The following PPP6R2 variants were observed in gnomAD, a reference collection of about 807,000 sequenced individuals.
PPP6R2 encodes the protein protein phosphatase 6 regulatory subunit 2.
PPP6R2 carries 62 observed loss-of-function variants against 100.2 expected under a neutral mutation model. The ratio of observed to expected loss-of-function variants is 0.62; its 90% confidence interval spans 0.50 to 0.76. PPP6R2 has a LOEUF of 0.76. PPP6R2 is among the 30% of genes least tolerant of loss of function. The pLI is 0.00. For missense variants in PPP6R2, 1,142 were observed against 1,276.3 expected (o/e 0.89, Z 1.60); for synonymous variants, 525 against 514.7 (o/e 1.02, Z -0.27).
chr22:50,371,990 T>TG (rs948850266), intron 1 of PPP6R2, 30 bp from the exon 2 acceptor site: 7 of 152,168 alleles, frequency 4.6e-5, no homozygotes, highest in African/African-American at 1.7e-4. Context: ...AGGAAGAACT[T>TG]AAAGCAAGAT....
At chr22:50,399,850 G>A (rs2057735702) in intron 3 of PPP6R2, among the ~76,000 whole-genome samples, 1 of 152,212 alleles carries the variant, frequency 6.6e-6, no homozygotes. Flanking sequence ...ACAGCAGAGG[G>A]CGCCACCCCA....
intron 1 of PPP6R2, among the ~76,000 whole-genome samples, chr22:50,354,026 C>T (rs557287864): frequency 6.6e-6 from 1 of 152,102 alleles, no homozygotes; most frequent in Non-Finnish European, 1.5e-5. Context: ...ACTGGGAGGC[C>T]GGGCGCGGTG....
chr22:50,407,882 G>A lies in PPP6R2; in HGVS notation c.414+1007G>A, dbSNP rs137877750. ...ATTTCTCATGTAAATATTTCAGTAT[G>A]TATGTACATTTATTTATTTTTGAGA... On this transcript the variant is annotated intron_variant, in intron 4 of 23. Coordinates refer to ENST00000612753, the MANE Select transcript of PPP6R2 (RefSeq NM_001242898.2). 3.1e-3 allele frequency among the ~76,000 whole-genome samples: 462 copies of A among 149,528 alleles called. 1 individual carries two copies. The highest frequency in any genetic ancestry group is 0.011 in the African/African-American group (441 of 40,944).
At chr22:50,347,266 C>T (rs1230174294) in intron 1 of PPP6R2, among the ~76,000 whole-genome samples, 4 of 152,072 alleles carry the variant, frequency 2.6e-5, no homozygotes, top group Non-Finnish European at 4.4e-5. Context: ...CCCCACCTGT[C>T]AGTGTCTCCC....
intron 1 of PPP6R2, among the ~76,000 whole-genome samples, chr22:50,348,176 T>G (rs1219755733): frequency 6.6e-6 from 1 of 152,142 alleles, no homozygotes; most frequent in East Asian, 1.9e-4. Flanking sequence ...GTTTTCTCAT[T>G]AAGCCGTTCC....
At chr22:50,336,984 T>C in the PPP6R2 span, among the ~76,000 whole-genome samples, 1 of 152,118 alleles carries the variant, frequency 6.6e-6, no homozygotes. Flanking sequence ...CTCTTGTTGA[T>C]AATATTTTTA....
At chr22:50,405,593 A>G (rs1332044791) in intron 3 of PPP6R2, among the ~76,000 whole-genome samples, 7 of 76,010 alleles carry the variant, frequency 9.2e-5, no homozygotes, top group Non-Finnish European at 1.3e-4. Flanking sequence ...AGGCCTGGAG[A>G]GAGGTGAGAG....
chr22:50,441,197 G>A (rs1047163710), intron 22 of PPP6R2, 171 bp downstream of exon 22: 18 of 622,088 alleles, frequency 2.9e-5, no homozygotes, highest in Non-Finnish European at 4.4e-5. Flanking sequence ...GGCGGCGGTG[G>A]TGCCCACGCG....
intron 1 of PPP6R2, among the ~76,000 whole-genome samples, chr22:50,352,127 G>C (rs899934046): frequency 6.6e-6 from 1 of 151,694 alleles, no homozygotes; most frequent in Non-Finnish European, 1.5e-5. Flanking sequence ...TTTTAGTAGA[G>C]ACGGGGTTTC....
At chr22:50,441,231 A>C (rs1306176540) in intron 22 of PPP6R2, among the ~76,000 whole-genome samples, 4 of 152,020 alleles carry the variant, frequency 2.6e-5, no homozygotes, top group East Asian at 1.9e-4. Context: ...CAGATGGGAG[A>C]AGTGTGGGGC....
upstream of PPP6R2, among the ~76,000 whole-genome samples, chr22:50,341,202 G>A (rs1461273189): frequency 1.3e-5 from 2 of 152,042 alleles, no homozygotes; most frequent in African/African-American, 2.4e-5. Context: ...GTGAGCCACC[G>A]CGCCTGTCCC....
intron 22 of PPP6R2, 126 bp from the exon 23 acceptor site, chr22:50,443,736 GGAGT>G (rs2066409514): frequency 5.3e-6 from 7 of 1,312,944 alleles, no homozygotes; most frequent in African/African-American, 2.9e-5. Context: ...ACAAAGGGCA[GGAGT>G]GAGAGGGGCC....
chr22:50,402,182 C>T (rs2146970072), intron 3 of PPP6R2, among the ~76,000 whole-genome samples: 1 of 152,154 alleles, frequency 6.6e-6, no homozygotes, highest in South Asian at 2.1e-4. Context: ...GGGGCTTACT[C>T]ACCACAGCTT....
chr22:50,415,236 G>T (rs2147513458), intron 5 of PPP6R2, among the ~76,000 whole-genome samples: 1 of 152,368 alleles, frequency 6.6e-6, no homozygotes, highest in East Asian at 1.9e-4. Flanking sequence ...TCTGCTCACT[G>T]TTCGGCCAGC....
At chr22:50,340,511 GTGT>G (rs1569219584), upstream of PPP6R2, among the ~76,000 whole-genome samples, 35 of 94,322 alleles carry the variant, frequency 3.7e-4, 1 homozygote, top group African/African-American at 2.6e-3. Flanking sequence ...TGTGGTGTGT[GTGT>G]GGTGTGTGTG....
intron 2 of PPP6R2, among the ~76,000 whole-genome samples, chr22:50,378,671 G>T (rs1370962897): frequency 6.6e-6 from 1 of 151,672 alleles, no homozygotes; most frequent in Admixed American, 6.6e-5. Flanking sequence ...AGTTTTAAGA[G>T]GTGGGGCTTA....
At chr22:50,380,772 G>A (rs1180577885) in intron 2 of PPP6R2, among the ~76,000 whole-genome samples, 2 of 150,746 alleles carry the variant, frequency 1.3e-5, no homozygotes, top group African/African-American at 4.9e-5. Context: ...GGTGGATCAC[G>A]AGGTCAGGAG....
At chr22:50,417,271 C>T (rs2060668271) in intron 6 of PPP6R2, among the ~76,000 whole-genome samples, 1 of 152,134 alleles carries the variant, frequency 6.6e-6, no homozygotes, top group Non-Finnish European at 1.5e-5. Context: ...CAGGGCAGCA[C>T]ACAACGTGGA....
At chr22:50,405,835 T>C (rs1178318525) in intron 3 of PPP6R2, among the ~76,000 whole-genome samples, 205 of 43,400 alleles carry the variant, frequency 4.7e-3, no homozygotes, top group African/African-American at 0.015. Flanking sequence ...CAGGTGAGTG[T>C]GAAGGCCTGG....
Sources: gnomAD v4.1 joint callset for allele counts (sites outside exome capture counted in the v4.1 genomes callset) on GRCh38, gnomAD v4.1.1 for gene constraint, MANE v1.5 for transcripts, NCBI Gene and HGNC (gene_info 2026-07-23, HGNC 2026-07-21) for gene names.